UNC5C: variants seen among roughly 807,000 people sequenced by gnomAD.
UNC5C encodes netrin receptor UNC5C.
In UNC5C, 47 loss-of-function variants were observed where a neutral mutation model predicts 99.8. That is an observed-to-expected ratio of 0.47 (90% CI 0.37 to 0.60). The LOEUF is 0.60. Among genes scored for constraint, UNC5C ranks in the 20% least tolerant of loss-of-function variants. The pLI is 0.00. For missense variants in UNC5C, 1,062 were observed against 1,165.9 expected, an observed-to-expected ratio of 0.91 and a Z score of 1.30; for synonymous variants, 487 against 452.2, an observed-to-expected ratio of 1.08 and a Z score of -0.98.
intron 1 of UNC5C, among the ~76,000 whole-genome samples, chr4:95,377,953 G>A (rs1254568281): frequency 6.6e-6 from 1 of 152,174 alleles, no homozygotes; most frequent in African/African-American, 2.4e-5. Flanking sequence ...AGCAAGTAGA[G>A]CTCATGTGAA....
At position 95,352,025 on chromosome 4, in the gene UNC5C, C is replaced by T. The variant is rs557094835; in HGVS notation, c.125-16394G>A. On this transcript the variant is annotated intron_variant, in intron 1 of 15. Coordinates refer to ENST00000453304, the MANE Select transcript of UNC5C (RefSeq NM_003728.4). Reference sequence around the variant, plus strand: ...CTGCCTGGATACAGTCAGATACTTACCAAGCTTTCTCCTTTAGTCTCTCCC... The same window carrying T: ...CTGCCTGGATACAGTCAGATACTTATCAAGCTTTCTCCTTTAGTCTCTCCC... Among the ~76,000 whole-genome samples the T allele has an allele frequency of 2.0e-5, 3 of 152,230 alleles. No homozygotes were observed. In the South Asian group the frequency reaches 6.2e-4, roughly 32 times the overall value.
At chr4:95,204,819 C>T (rs1426479758) in intron 11 of UNC5C, among the ~76,000 whole-genome samples, 4 of 152,300 alleles carry the variant, frequency 2.6e-5, no homozygotes, top group Non-Finnish European at 1.5e-5. Context: ...GAGGGCTACA[C>T]AAAGATGTGA....
chr4:95,328,040 C>CTTTTTTTTTTTTTTTTTTTTTT (rs34794058), intron 2 of UNC5C, among the ~76,000 whole-genome samples: 17 of 87,040 alleles, frequency 2.0e-4, no homozygotes, highest in East Asian at 9.5e-4. Context: ...CAGGCAACTT[C>CTTTTTTTTTTTTTTTTTTTTTT]TTTTTTTTTT....
At chr4:95,249,468 T>C (rs1739615157) in intron 5 of UNC5C, among the ~76,000 whole-genome samples, 1 of 152,202 alleles carries the variant, frequency 6.6e-6, no homozygotes, top group Non-Finnish European at 1.5e-5. Context: ...TTGTTCAATT[T>C]CCTCTGAGAC....
intron 1 of UNC5C, among the ~76,000 whole-genome samples, chr4:95,460,144 T>C (rs1747556495): frequency 6.6e-6 from 1 of 150,728 alleles, no homozygotes; most frequent in African/African-American, 2.4e-5. Context: ...TGGGATTGTC[T>C]GTGGGTAACT....
chr4:95,190,091 C>T (rs1737009210), intron 12 of UNC5C, among the ~76,000 whole-genome samples: 1 of 152,098 alleles, frequency 6.6e-6, no homozygotes, highest in South Asian at 2.1e-4. Flanking sequence ...GGAACCAACC[C>T]AAATGCCCAT....
chr4:95,428,705 C>T (rs1377990577), intron 1 of UNC5C, among the ~76,000 whole-genome samples: 3 of 152,136 alleles, frequency 2.0e-5, no homozygotes, highest in African/African-American at 7.2e-5. Context: ...AAGAAACAAA[C>T]TTAAAACTCC....
intron 2 of UNC5C, among the ~76,000 whole-genome samples, chr4:95,321,362 T>C (rs376266421): frequency 3.9e-4 from 60 of 152,312 alleles, no homozygotes; most frequent in African/African-American, 1.4e-3. Context: ...TTTTCTCTTC[T>C]TTTTGTAAGT....
intron 1 of UNC5C, among the ~76,000 whole-genome samples, chr4:95,436,997 GAA>G (rs34226369): frequency 1.5e-5 from 2 of 129,192 alleles, no homozygotes; most frequent in African/African-American, 2.9e-5. Flanking sequence ...TTTCTTTCTT[GAA>G]AAAAAAAAAA....
At chr4:95,186,473 G>C (rs946541679) in intron 12 of UNC5C, among the ~76,000 whole-genome samples, 1 of 152,180 alleles carries the variant, frequency 6.6e-6, no homozygotes, top group Admixed American at 6.5e-5. Flanking sequence ...CCATGCACTT[G>C]TAGAGCAGTA....
chr4:95,473,673 G>T (rs978210084), intron 1 of UNC5C, among the ~76,000 whole-genome samples: 2 of 152,086 alleles, frequency 1.3e-5, no homozygotes, highest in African/African-American at 4.8e-5. Context: ...TATTAGAGAT[G>T]GTCACACACA....
chr4:95,362,205 C>T (rs1487166117), intron 1 of UNC5C, among the ~76,000 whole-genome samples: 1 of 152,056 alleles, frequency 6.6e-6, no homozygotes, highest in Non-Finnish European at 1.5e-5. Flanking sequence ...AAACCTCTTC[C>T]ACCCTCTTAG....
At chr4:95,213,587 T>C (rs1738149260) in intron 10 of UNC5C, among the ~76,000 whole-genome samples, 1 of 152,186 alleles carries the variant, frequency 6.6e-6, no homozygotes, top group African/African-American at 2.4e-5. Context: ...CTATGCCACA[T>C]GTAATTAAGT....
intron 1 of UNC5C, among the ~76,000 whole-genome samples, chr4:95,471,143 G>T (rs1339681608): frequency 6.6e-6 from 1 of 151,912 alleles, no homozygotes; most frequent in African/African-American, 2.4e-5. Flanking sequence ...GGGCGGGGTG[G>T]GGGTGGTAAG....
intron 1 of UNC5C, among the ~76,000 whole-genome samples, chr4:95,368,636 G>A (rs1744652319): frequency 6.6e-6 from 1 of 152,056 alleles, no homozygotes; most frequent in Non-Finnish European, 1.5e-5. Context: ...CAAATCAAGT[G>A]TTTGAGATGT....
intron 1 of UNC5C, among the ~76,000 whole-genome samples, chr4:95,451,868 T>C (rs1747287900): frequency 6.6e-6 from 1 of 152,208 alleles, no homozygotes; most frequent in Non-Finnish European, 1.5e-5. Context: ...TTATACTATA[T>C]GTCTTAAACA....
chr4:95,247,003 T>C (rs1316552946), intron 5 of UNC5C, among the ~76,000 whole-genome samples: 1 of 151,816 alleles, frequency 6.6e-6, no homozygotes, highest in East Asian at 1.9e-4. Flanking sequence ...ATTGCGCCAC[T>C]GCACCCTAGC....
chr4:95,438,432 T>C (rs1746851098), intron 1 of UNC5C, among the ~76,000 whole-genome samples: 1 of 77,314 alleles, frequency 1.3e-5, no homozygotes, highest in Non-Finnish European at 2.9e-5. Context: ...TATAGGAACG[T>C]CTCTTTTTGA....
chr4:95,395,762 T>C (rs947464622), intron 1 of UNC5C, among the ~76,000 whole-genome samples: 6 of 152,158 alleles, frequency 3.9e-5, no homozygotes, highest in Non-Finnish European at 8.8e-5. Context: ...AAAAAAGCTG[T>C]AGGGCAGAGA....
Sources: gnomAD v4.1 joint callset for allele counts (sites outside exome capture counted in the v4.1 genomes callset) on GRCh38, gnomAD v4.1.1 for gene constraint, MANE v1.5 for transcripts, NCBI Gene and HGNC (gene_info 2026-07-23, HGNC 2026-07-21) for gene names.